Variants in NTN4 observed in about 807,000 individuals in gnomAD.
The protein encoded by NTN4 is netrin-4.
Under a neutral mutation model 73.6 loss-of-function variants are expected in NTN4, and 32 were observed. The observed-to-expected ratio is 0.44, with a 90% CI of 0.33 to 0.58. The LOEUF is 0.58. Ranked by LOEUF, NTN4 falls within the 20% of genes least tolerant of loss-of-function variation. NTN4 has a pLI of 0.04. For missense variants in NTN4, 654 were observed against 798.3 expected (o/e 0.82, Z 2.18); for synonymous variants, 258 against 287.5 (o/e 0.90, Z 1.04).
intron 5 of NTN4, among the ~76,000 whole-genome samples, chr12:95,690,419 A>T (rs1250950420): frequency 6.6e-6 from 1 of 152,188 alleles, no homozygotes; most frequent in Non-Finnish European, 1.5e-5. Context: ...GAAAGTAAAG[A>T]TTTTGCCTCT....
At position 95,683,695 on chromosome 12, in the gene NTN4, T is replaced by C. The variant is rs763251956; in HGVS notation, c.1197A>G (p.Pro399=). The change falls in exon 6 of 10, where the codon CCA becomes CCG. Residue 399 remains proline (P), a synonymous_variant. Transcript: ENST00000343702. ...TGGCAGGAAGGACAGCTGATCCTAC[T>C]GGATGGCAGGAACACGCTACAACAG... is the stretch of plus-strand genomic sequence containing the variant. ...PDACKPCSCH[P]VGSAVLPANS... The C allele has an allele frequency of 1.9e-6, 3 of 1,609,060 alleles. No homozygotes were observed. Among genetic ancestry groups the C allele is most frequent in the Non-Finnish European group, 2.5e-6 (3 of 1,177,460 alleles).
intron 2 of NTN4, among the ~76,000 whole-genome samples, chr12:95,744,893 T>G (rs2078851160): frequency 6.6e-6 from 1 of 151,918 alleles, no homozygotes; most frequent in African/African-American, 2.4e-5. Context: ...CATCTTCATT[T>G]TTGTAAAATA....
chr12:95,787,293 A>G lies in NTN4; in HGVS notation c.231T>C (p.Cys77=), dbSNP rs755453157. Residue 77 remains cysteine (C), a synonymous_variant, in exon 2 of 10, where the codon TGT becomes TGC. Coordinates refer to ENST00000343702, the MANE Select transcript of NTN4 (RefSeq NM_021229.4). ...NTDLTCRQPK[C]DKCNAAYPHL... The stretch of plus-strand genomic sequence containing the variant: ...GAGGATAGGCAGCATTGCACTTGTC[A>G]CATTTGGGCTGCCGACAAGTCAGAT... 3.7e-6 allele frequency: 6 copies of G among 1,614,222 alleles called. No homozygotes were observed. The South Asian group carries it at 5.5e-5, about 15-fold the overall frequency.
At chr12:95,666,030 G>A (rs2078176993) in intron 8 of NTN4, 50 bp from the exon 9 acceptor site, 6 of 1,342,648 alleles carry the variant, frequency 4.5e-6, no homozygotes, top group Non-Finnish European at 6.2e-6. Context: ...ATCATTTGAA[G>A]TTTGAATAAC....
intron 2 of NTN4, among the ~76,000 whole-genome samples, chr12:95,765,653 G>C (rs1016896666): frequency 6.6e-6 from 1 of 152,144 alleles, no homozygotes; most frequent in African/African-American, 2.4e-5. Context: ...TAGACATATA[G>C]AGGCACCCAC....
At chr12:95,768,138 C>T (rs775874004) in intron 2 of NTN4, among the ~76,000 whole-genome samples, 1 of 152,140 alleles carries the variant, frequency 6.6e-6, no homozygotes, top group African/African-American at 2.4e-5. Context: ...TCAGGCAGCA[C>T]GTGAGATGCT....
chr12:95,661,662 C>A (rs1408997397), intron 9 of NTN4, among the ~76,000 whole-genome samples: 1 of 152,092 alleles, frequency 6.6e-6, no homozygotes. Flanking sequence ...TGGACTCTAG[C>A]CAAAATGTTT....
chr12:95,744,265 A>G (rs11108233), intron 2 of NTN4, among the ~76,000 whole-genome samples: 1,757 of 152,188 alleles, frequency 0.012, 39 homozygotes, highest in African/African-American at 0.04. Flanking sequence ...GTCCCTTTTT[A>G]TCCTTGGCAA....
intron 2 of NTN4, among the ~76,000 whole-genome samples, chr12:95,761,323 A>ATTTTTTT (rs756934754): frequency 2.8e-5 from 2 of 72,140 alleles, no homozygotes; most frequent in East Asian, 5.5e-4. Context: ...CAAAAGAGAT[A>ATTTTTTT]TTCTTTTTTT....
chr12:95,790,932 G>GGT (rs1318617347), upstream of NTN4, among the ~76,000 whole-genome samples: 3 of 148,890 alleles, frequency 2.0e-5, no homozygotes, highest in African/African-American at 4.9e-5. This position sits in a 1 kb window ranked among gnomAD's most constrained non-coding sequence, Gnocchi z 6.5. Context: ...GCCGCCCGGG[G>GGT]GGGGGGTCCC....
intron 5 of NTN4, among the ~76,000 whole-genome samples, chr12:95,688,216 A>G (rs114535834): frequency 0.012 from 1,779 of 152,306 alleles, 34 homozygotes; most frequent in African/African-American, 0.039. Context: ...CAGCAAGGAA[A>G]TGACTAAGAC....
intron 5 of NTN4, among the ~76,000 whole-genome samples, chr12:95,689,180 T>C (rs1320585330): frequency 6.6e-6 from 1 of 152,222 alleles, no homozygotes. Context: ...GATAACCTCA[T>C]ATTCATTCAT....
At chr12:95,693,584 A>G (rs2078417991) in intron 5 of NTN4, among the ~76,000 whole-genome samples, 1 of 151,770 alleles carries the variant, frequency 6.6e-6, no homozygotes, top group African/African-American at 2.4e-5. Flanking sequence ...TACAAAAATT[A>G]GCTGGGTATG....
intron 2 of NTN4, among the ~76,000 whole-genome samples, chr12:95,783,155 C>T (rs751155628): frequency 1.3e-5 from 2 of 152,200 alleles, no homozygotes; most frequent in Non-Finnish European, 2.9e-5. Context: ...CTGTCTGTGC[C>T]TTTCACCAGA....
chr12:95,713,416 C>A, intron 3 of NTN4, 78 bp from the exon 4 acceptor site: 1 of 1,421,976 alleles, frequency 7.0e-7, no homozygotes. Context: ...ACAATCTAAT[C>A]TCATGGATTG....
chr12:95,703,313 A>T (rs1374916488), intron 5 of NTN4, among the ~76,000 whole-genome samples: 1 of 152,224 alleles, frequency 6.6e-6, no homozygotes, highest in Admixed American at 6.5e-5. Flanking sequence ...TGTAAGGTTC[A>T]TTATTTCCTT....
chr12:95,790,122 C>T lies in NTN4; in HGVS notation c.55+133G>A, dbSNP rs986529132. 10 of 670,462 alleles carry T rather than the reference C, an allele frequency of 1.5e-5. No homozygotes were observed. In the South Asian group the frequency reaches 2.4e-4, roughly 16 times the overall value. 41.5% of individuals were successfully genotyped at this position (670,462 alleles called of 1,614,324 possible). A position where few individuals can be genotyped will look rare whatever the true frequency, so the allele number is the denominator to read the frequency against. ...GGAGCCCCGGGGAAAGGAGGCGGAA[C>T]ATGGCCACTCATTTCACCCTCGGGA... On this transcript the variant is annotated intron_variant, in intron 1 of 9. Coordinates refer to ENST00000343702, the MANE Select transcript of NTN4 (RefSeq NM_021229.4). This position sits in a 1 kb window ranked among gnomAD's most constrained non-coding sequence, Gnocchi z 6.5.
At chr12:95,745,113 G>C (rs888694758) in intron 2 of NTN4, among the ~76,000 whole-genome samples, 1 of 151,890 alleles carries the variant, frequency 6.6e-6, no homozygotes, top group Admixed American at 6.6e-5. Flanking sequence ...CAATTTGATT[G>C]TTATGTGTTT....
In NTN4 at chr12:95,790,132, C is replaced by T; in HGVS notation, c.55+123G>A. On this transcript the variant is annotated intron_variant, in intron 1 of 9. Transcript: ENST00000343702. This position sits in a 1 kb window ranked among gnomAD's most constrained non-coding sequence, Gnocchi z 6.5. ...GGAAAGGAGGCGGAACATGGCCACT[C>T]ATTTCACCCTCGGGAGCAGCGCTCT... The T allele has an allele frequency of 7.8e-6, 6 of 766,256 alleles. No homozygotes were observed. The highest frequency in any genetic ancestry group is 1.2e-5 in the Non-Finnish European group (6 of 496,076). 47.5% of individuals were successfully genotyped at this position (766,256 alleles called of 1,614,324 possible).
Sources: gnomAD v4.1 joint callset for allele counts (sites outside exome capture counted in the v4.1 genomes callset) on GRCh38, gnomAD v4.1.1 for gene constraint, Gnocchi (gnomAD v3.1) non-coding constraint, MANE v1.5 for transcripts, NCBI Gene and HGNC (gene_info 2026-07-23, HGNC 2026-07-21) for gene names.